ELMO1: variants seen among roughly 807,000 people sequenced by gnomAD.
ELMO1 encodes the protein engulfment and cell motility protein 1.
Under a neutral mutation model 98.9 loss-of-function variants are expected in ELMO1, and 26 were observed. The ratio of observed to expected loss-of-function variants is 0.26; its 90% CI spans 0.19 to 0.36. The LOEUF (loss-of-function observed/expected upper bound fraction) is 0.36, where lower values mean the gene tolerates loss of function less well. ELMO1 is among the 10% of genes least tolerant of loss of function. The probability of loss-of-function intolerance (pLI) is 1.00; values close to 1 mark genes in which losing one functional copy is unlikely to be tolerated. For missense variants in ELMO1, 627 were observed against 935.2 expected, an observed-to-expected ratio of 0.67 and a Z score of 4.30; for synonymous variants, 346 against 346.0, an observed-to-expected ratio of 1.00 and a Z score of 0.00.
chr7:37,058,800 G>C (rs946566018), intron 15 of ELMO1, among the ~76,000 whole-genome samples: 2 of 152,108 alleles, frequency 1.3e-5, no homozygotes, highest in East Asian at 3.9e-4. Context: ...TTGGTTAAAG[G>C]ACTCCTCAAA....
chr7:36,885,166 C>G (rs760544985), intron 18 of ELMO1, among the ~76,000 whole-genome samples: 1 of 152,100 alleles, frequency 6.6e-6, no homozygotes, highest in South Asian at 2.1e-4. Context: ...TTTCTGCACT[C>G]GGAAGGATGA....
intron 13 of ELMO1, among the ~76,000 whole-genome samples, chr7:37,168,319 G>A (rs1226119279): frequency 6.6e-6 from 1 of 152,162 alleles, no homozygotes; most frequent in African/African-American, 2.4e-5. Context: ...ATCGTCTGAA[G>A]CCTTCTTCTC....
intron 5 of ELMO1, among the ~76,000 whole-genome samples, chr7:37,260,937 C>A (rs934674540): frequency 6.6e-6 from 1 of 152,160 alleles, no homozygotes; most frequent in East Asian, 1.9e-4. Flanking sequence ...AATGGATATA[C>A]AGCATTCACA....
At chr7:36,973,227 G>A (rs1034545291) in intron 16 of ELMO1, among the ~76,000 whole-genome samples, 2 of 152,172 alleles carry the variant, frequency 1.3e-5, no homozygotes, top group African/African-American at 4.8e-5. Context: ...CATCCTACAG[G>A]TACATCAGGA....
Position 36,861,654 on chromosome 7 carries a change from C to A in ELMO1, c.1983+5G>T, listed in dbSNP as rs765150430. The A allele has an allele frequency of 6.2e-7, 1 of 1,613,300 alleles. No individual in the cohort carries two copies. On this transcript the variant is annotated splice_donor_5th_base_variant and intron_variant, in intron 21 of 21. Transcript: ENST00000310758. The stretch of plus-strand genomic sequence containing the variant: ...CTCATAAATTATCACCCCCGAGACC[C>A]TTACCTCATGCTTGTCAGGAGCGAT...
intron 1 of ELMO1, among the ~76,000 whole-genome samples, chr7:37,421,593 T>A (rs1804475650): frequency 6.6e-6 from 1 of 152,178 alleles, no homozygotes; most frequent in South Asian, 2.1e-4. Context: ...TTCTCGAATA[T>A]AATCACAACT....
At chr7:37,006,805 C>G (rs1359860913) in intron 16 of ELMO1, among the ~76,000 whole-genome samples, 1 of 152,146 alleles carries the variant, frequency 6.6e-6, no homozygotes, top group Non-Finnish European at 1.5e-5. Flanking sequence ...GTTATGTTAC[C>G]TGTTATTAAC....
chr7:37,213,557 T>G, intron 11 of ELMO1, 100 bp from the exon 12 acceptor site: 1 of 1,139,618 alleles, frequency 8.8e-7, no homozygotes, highest in Non-Finnish European at 1.2e-6. Context: ...CACTGGGAGG[T>G]ATAAGGAATG....
intron 1 of ELMO1, among the ~76,000 whole-genome samples, chr7:37,423,741 A>G (rs1169812250): frequency 6.6e-6 from 1 of 152,106 alleles, no homozygotes; most frequent in Admixed American, 6.5e-5. Context: ...ACCAAAATCA[A>G]TTTCTTCTCA....
intron 15 of ELMO1, among the ~76,000 whole-genome samples, chr7:37,057,163 A>T (rs1796429449): frequency 6.6e-6 from 1 of 152,214 alleles, no homozygotes; most frequent in East Asian, 1.9e-4. Context: ...TATATTACCA[A>T]TCGCAGGTTT....
At chr7:37,191,972 C>T (rs1791614089) in intron 13 of ELMO1, among the ~76,000 whole-genome samples, 1 of 152,144 alleles carries the variant, frequency 6.6e-6, no homozygotes, top group African/African-American at 2.4e-5. Context: ...TCCAGGTGTA[C>T]TGAGGACACA....
intron 15 of ELMO1, among the ~76,000 whole-genome samples, chr7:37,048,998 T>C (rs1248398591): frequency 1.3e-5 from 2 of 152,194 alleles, no homozygotes; most frequent in African/African-American, 2.4e-5. Context: ...GGAGACCCAC[T>C]GGGAAAGCAA....
At chr7:37,348,542 G>A (rs1378960878) in intron 1 of ELMO1, among the ~76,000 whole-genome samples, 2 of 152,056 alleles carry the variant, frequency 1.3e-5, no homozygotes, top group Non-Finnish European at 2.9e-5. Flanking sequence ...TTATAGTTGA[G>A]TGGATTAAAT....
chr7:37,019,307 G>A (rs1305945517), intron 15 of ELMO1, among the ~76,000 whole-genome samples: 2 of 152,198 alleles, frequency 1.3e-5, no homozygotes, highest in African/African-American at 4.8e-5. Flanking sequence ...TCCTTTGCAG[G>A]GAGATACAGG....
chr7:37,328,407 A>AAAAAAAAAAT (rs1562618201), intron 2 of ELMO1, among the ~76,000 whole-genome samples: 1 of 147,382 alleles, frequency 6.8e-6, no homozygotes, highest in Non-Finnish European at 1.5e-5. Flanking sequence ...AAAAAAAAAA[A>AAAAAAAAAAT]AGATGCTGTG....
chr7:36,934,336 A>C (rs1487360941), intron 16 of ELMO1, among the ~76,000 whole-genome samples: 2 of 152,206 alleles, frequency 1.3e-5, no homozygotes, highest in Non-Finnish European at 1.5e-5. Flanking sequence ...AAAGTGAGGC[A>C]AGGGCTGACA....
chr7:37,081,043 C>T lies in ELMO1; in HGVS notation c.1300+15576G>A, dbSNP rs79314872. Among the ~76,000 whole-genome samples the T allele has an allele frequency of 8.9e-3, 1,360 of 152,178 alleles. 6 individuals are homozygous for T. The highest frequency in any genetic ancestry group is 0.014 in the Middle Eastern group (4 of 294). On this transcript the variant is annotated intron_variant, in intron 15 of 21. Transcript: ENST00000310758. The stretch of plus-strand genomic sequence containing the variant: ...GACATACTTCTTTATCTGTTTATTA[C>T]CTTTCTCCAACTAAAATATATGCTC...
At chr7:37,086,330 C>CTGTGTGTGTGTGTG (rs58906590) in intron 15 of ELMO1, among the ~76,000 whole-genome samples, 13 of 143,082 alleles carry the variant, frequency 9.1e-5, no homozygotes, top group African/African-American at 2.8e-4. Flanking sequence ...CAATACATGA[C>CTGTGTGTGTGTGTG]TGTGTGTGTG....
At chr7:37,445,339 C>A (rs905384083) in intron 1 of ELMO1, among the ~76,000 whole-genome samples, 8 of 152,234 alleles carry the variant, frequency 5.3e-5, no homozygotes, top group African/African-American at 1.9e-4. Flanking sequence ...ACCAAACTAT[C>A]TACTTGGATG....
Sources: allele counts gnomAD v4.1 joint callset (sites outside exome capture counted in the v4.1 genomes callset), GRCh38; gene constraint gnomAD v4.1.1; transcripts MANE v1.5; gene names NCBI Gene and HGNC (gene_info 2026-07-23, HGNC 2026-07-21).